BCKDHB: variants seen among roughly 807,000 people sequenced by gnomAD.
BCKDHB encodes 2-oxoisovalerate dehydrogenase subunit beta, mitochondrial.
A neutral mutation model predicts 48.5 loss-of-function variants in BCKDHB; 41 were observed. That is an observed-to-expected ratio of 0.85 (90% CI 0.66 to 1.10). The LOEUF is 1.10. Ranked by LOEUF, BCKDHB falls within the 50% of genes least tolerant of loss-of-function variation. The pLI, the probability that BCKDHB is intolerant of heterozygous loss-of-function variation, is 0.00. For synonymous variants in BCKDHB, 201 were observed against 174.8 expected, an observed-to-expected ratio of 1.15 and a Z score of -1.18; for missense variants, 496 against 494.2, an observed-to-expected ratio of 1.00 and a Z score of -0.03.
intron 9 of BCKDHB, among the ~76,000 whole-genome samples, chr6:80,301,985 T>G (rs1450726600): frequency 6.6e-6 from 1 of 152,120 alleles, no homozygotes; most frequent in Non-Finnish European, 1.5e-5. Flanking sequence ...GGCTAGGCAT[T>G]GAAGGAACAT....
intron 9 of BCKDHB, among the ~76,000 whole-genome samples, chr6:80,341,118 C>G (rs778891799): frequency 1.2e-4 from 18 of 152,094 alleles, no homozygotes; most frequent in Non-Finnish European, 2.4e-4. Context: ...ATATCCTATT[C>G]GTAGTCTTCT....
At chr6:80,455,816 CCAAA>C in the BCKDHB span, among the ~76,000 whole-genome samples, 3 of 151,976 alleles carry the variant, frequency 2.0e-5, no homozygotes, top group East Asian at 1.9e-4. Flanking sequence ...CTTTCACACC[CCAAA>C]CAAAGTAGCA....
At chr6:80,452,537 A>G in the BCKDHB span, among the ~76,000 whole-genome samples, 1 of 152,348 alleles carries the variant, frequency 6.6e-6, no homozygotes, top group Admixed American at 6.5e-5. Context: ...GTAAAAATGC[A>G]TAATATACCA....
the BCKDHB span, among the ~76,000 whole-genome samples, chr6:80,389,063 C>CA: frequency 6.6e-6 from 1 of 152,166 alleles, no homozygotes; most frequent in Non-Finnish European, 1.5e-5. Flanking sequence ...GGATGGAAAC[C>CA]TCTGTGAGTG....
intron 8 of BCKDHB, among the ~76,000 whole-genome samples, chr6:80,260,464 G>C (rs530045591): frequency 3.0e-4 from 45 of 152,242 alleles, no homozygotes; most frequent in African/African-American, 1.1e-3. Flanking sequence ...CTCCTGGTAA[G>C]GGCCCTAGGA....
chr6:80,157,005 G>A (rs2127760838), intron 3 of BCKDHB, among the ~76,000 whole-genome samples: 1 of 152,262 alleles, frequency 6.6e-6, no homozygotes, highest in East Asian at 1.9e-4. Flanking sequence ...CATATTAAAA[G>A]TGGTTTAAGT....
intron 3 of BCKDHB, among the ~76,000 whole-genome samples, chr6:80,144,456 G>A (rs1437985639): frequency 6.6e-6 from 1 of 152,110 alleles, no homozygotes; most frequent in East Asian, 1.9e-4. Context: ...TTGATATCTT[G>A]ACATACATTT....
At chr6:80,422,295 G>A in the BCKDHB span, among the ~76,000 whole-genome samples, 1 of 152,178 alleles carries the variant, frequency 6.6e-6, no homozygotes, top group South Asian at 2.1e-4. Context: ...GTTGAGCTTT[G>A]GGAATCTCTG....
Position 80,215,949 on chromosome 6 carries a change from C to T in BCKDHB, c.951+12737C>T, listed in dbSNP as rs567183673. Among the ~76,000 whole-genome samples, 10 of 152,176 alleles carry T rather than the reference C, an allele frequency of 6.6e-5. No homozygotes were observed. The South Asian group carries it at 2.1e-3, about 32-fold the overall frequency. ...TACAGACAGGGTTTCACCATGTTGGCCAGGATGGTCTTGATCTCCTGACCT... is the reference window on the plus strand; with the variant it reads ...TACAGACAGGGTTTCACCATGTTGGTCAGGATGGTCTTGATCTCCTGACCT... On this transcript the variant is annotated intron_variant, in intron 8 of 9. Coordinates refer to ENST00000320393, the MANE Select transcript of BCKDHB (RefSeq NM_183050.4).
Position 80,175,024 on chromosome 6 carries a change from A to C in BCKDHB, c.742+3634A>C, listed in dbSNP as rs139308474. 1.7e-3 allele frequency among the ~76,000 whole-genome samples: 264 copies of C among 152,302 alleles called. 1 individual carries two copies. The highest frequency in any genetic ancestry group is 6.0e-3 in the African/African-American group (250 of 41,566). On this transcript the variant is annotated intron_variant, in intron 6 of 9. Coordinates refer to ENST00000320393, the MANE Select transcript of BCKDHB (RefSeq NM_183050.4). ...CCTCAAGTAATATGGAAATTTATTTATCTCTAATATAAATGTCTAAGTTGG... is the reference window on the plus strand; with the variant it reads ...CCTCAAGTAATATGGAAATTTATTTCTCTCTAATATAAATGTCTAAGTTGG...
intron 9 of BCKDHB, among the ~76,000 whole-genome samples, chr6:80,329,139 G>A (rs1313084645): frequency 6.6e-6 from 1 of 151,970 alleles, no homozygotes; most frequent in East Asian, 1.9e-4. Flanking sequence ...AGCCAAGAAA[G>A]GATTCCAATT....
chr6:80,113,569 A>G (rs1338477594), intron 1 of BCKDHB, among the ~76,000 whole-genome samples: 2 of 152,202 alleles, frequency 1.3e-5, no homozygotes, highest in Non-Finnish European at 1.5e-5. Flanking sequence ...ATTCCCCTGT[A>G]TGGAGCAGAG....
chr6:80,301,995 T>G (rs2127991522), intron 9 of BCKDHB, among the ~76,000 whole-genome samples: 1 of 152,226 alleles, frequency 6.6e-6, no homozygotes, highest in East Asian at 1.9e-4. Flanking sequence ...TGAAGGAACA[T>G]ACCTCAAAAC....
chr6:80,283,274 C>T (rs1766452144), intron 9 of BCKDHB, among the ~76,000 whole-genome samples: 1 of 151,982 alleles, frequency 6.6e-6, no homozygotes, highest in Non-Finnish European at 1.5e-5. Context: ...GCTTATTTTC[C>T]ATCCCTCTTT....
chr6:80,376,055 A>C, the BCKDHB span, among the ~76,000 whole-genome samples: 2 of 152,170 alleles, frequency 1.3e-5, no homozygotes, highest in African/African-American at 4.8e-5. Flanking sequence ...GGTGGTAGGC[A>C]GGGCCATAGA....
the BCKDHB span, among the ~76,000 whole-genome samples, chr6:80,411,998 G>T: frequency 8.5e-5 from 13 of 152,200 alleles, no homozygotes; most frequent in Non-Finnish European, 1.8e-4. Flanking sequence ...GATGAACAAG[G>T]TACCTCAGTT....
At position 80,123,117 on chromosome 6, in the gene BCKDHB, G is replaced by T. The variant is rs186555113; in HGVS notation, c.197-4430G>T. On this transcript the variant is annotated intron_variant, in intron 1 of 9. Coordinates refer to ENST00000320393, the MANE Select transcript of BCKDHB (RefSeq NM_183050.4). ...AAGAAAAATATGGCTCTTTTTGCCTGACCCCACAGGCAGTCAGACCTTATG... is the reference window on the plus strand; with the variant it reads ...AAGAAAAATATGGCTCTTTTTGCCTTACCCCACAGGCAGTCAGACCTTATG... Among the ~76,000 whole-genome samples the T allele has an allele frequency of 1.2e-4, 19 of 152,032 alleles. 1 individual carries two copies. In the East Asian group the frequency reaches 2.7e-3, roughly 22 times the overall value.
At chr6:80,328,711 A>G (rs1439272077) in intron 9 of BCKDHB, among the ~76,000 whole-genome samples, 1 of 152,156 alleles carries the variant, frequency 6.6e-6, no homozygotes, top group Non-Finnish European at 1.5e-5. Flanking sequence ...CTAACTTGCA[A>G]TTACCCCAAG....
At chr6:80,169,958 C>T (rs956542929) in intron 5 of BCKDHB, 7 of 1,368,532 alleles carry the variant, frequency 5.1e-6, no homozygotes, top group Non-Finnish European at 6.6e-6. Flanking sequence ...ATATTTATAA[C>T]ATTATATTGT....
Sources: allele counts gnomAD v4.1 joint callset (sites outside exome capture counted in the v4.1 genomes callset), GRCh38; gene constraint gnomAD v4.1.1; transcripts MANE v1.5; gene names NCBI Gene and HGNC (gene_info 2026-07-23, HGNC 2026-07-21).